Variants in CSMD1 observed in about 807,000 individuals in gnomAD.
The protein encoded by CSMD1 is CUB and Sushi multiple domains 1.
Under a neutral mutation model 417.5 loss-of-function variants are expected in CSMD1, and 213 were observed. The ratio of observed to expected loss-of-function variants is 0.51; its 90% CI spans 0.46 to 0.57. The LOEUF is 0.57. CSMD1 is among the 20% of genes least tolerant of loss of function. CSMD1 has a pLI of 0.00. For missense variants in CSMD1, 6,923 were observed against 4,529.7 expected (o/e 1.53, Z -15.17); for synonymous variants, 2,862 against 1,736.8 (o/e 1.65, Z -16.11).
intron 38 of CSMD1, among the ~76,000 whole-genome samples, chr8:3,161,891 G>C (rs145121694): frequency 2.6e-4 from 40 of 152,270 alleles, no homozygotes; most frequent in African/African-American, 8.7e-4. Context: ...CCCCTAGAAT[G>C]CTCTGTGCAT....
intron 21 of CSMD1, among the ~76,000 whole-genome samples, chr8:3,348,380 C>A (rs1397135070): frequency 6.6e-6 from 1 of 152,080 alleles, no homozygotes; most frequent in Non-Finnish European, 1.5e-5. Context: ...GTCTTATTAA[C>A]AGAATGACCT....
chr8:4,553,444 T>A (rs2130574930), intron 2 of CSMD1, among the ~76,000 whole-genome samples: 1 of 152,174 alleles, frequency 6.6e-6, no homozygotes, highest in Admixed American at 6.5e-5. Flanking sequence ...AAAGAATTTT[T>A]TTTTTTTTTT....
chr8:4,470,465 G>A (rs914038484), intron 2 of CSMD1, among the ~76,000 whole-genome samples: 7 of 152,136 alleles, frequency 4.6e-5, no homozygotes, highest in African/African-American at 1.4e-4. Flanking sequence ...GGTCATGGTC[G>A]GCAGCTCAAT....
chr8:3,179,201 T>C (rs1020970825), intron 37 of CSMD1, among the ~76,000 whole-genome samples: 1 of 151,970 alleles, frequency 6.6e-6, no homozygotes, highest in Admixed American at 6.6e-5. Flanking sequence ...CGCCTTGGCC[T>C]CCCAAAGTGC....
chr8:2,980,446 T>G (rs1368119789), intron 54 of CSMD1, among the ~76,000 whole-genome samples: 1 of 151,940 alleles, frequency 6.6e-6, no homozygotes, highest in Non-Finnish European at 1.5e-5. Context: ...CCTCCTCCTC[T>G]TCTTCCATCC....
At chr8:3,059,461 T>C (rs1812447550) in intron 49 of CSMD1, among the ~76,000 whole-genome samples, 2 of 152,106 alleles carry the variant, frequency 1.3e-5, no homozygotes, top group South Asian at 4.1e-4. Flanking sequence ...ATGTGGGCTG[T>C]TTGTGAGCCG....
chr8:4,728,098 T>G (rs1433151548), intron 1 of CSMD1, among the ~76,000 whole-genome samples: 1 of 146,892 alleles, frequency 6.8e-6, no homozygotes, highest in Non-Finnish European at 1.5e-5. Flanking sequence ...ATATGTACAT[T>G]TGGTATATTT....
rs10086416 is a variant in CSMD1 at position 4,124,276 on chromosome 8, T to A, written c.416-92177A>T. Reference sequence around the variant, plus strand: ...TAACAGTAAGCACTGACTGGCAAATTAATAACATCAATTTAAACAGTTATA... The same window carrying A: ...TAACAGTAAGCACTGACTGGCAAATAAATAACATCAATTTAAACAGTTATA... On this transcript the variant is annotated intron_variant, in intron 3 of 69. Transcript: ENST00000635120. Among the ~76,000 whole-genome samples, 741 of 152,218 alleles carry A rather than the reference T, an allele frequency of 4.9e-3. 7 individuals carry two copies. The highest frequency in any genetic ancestry group is 0.017 in the African/African-American group (705 of 41,534).
intron 51 of CSMD1, among the ~76,000 whole-genome samples, chr8:3,027,640 G>A (rs1296702494): frequency 6.6e-6 from 1 of 152,196 alleles, no homozygotes. Flanking sequence ...GCAGCAGGCA[G>A]CTGACAATTT....
chr8:4,835,609 T>G (rs1486941480), intron 1 of CSMD1, among the ~76,000 whole-genome samples: 2 of 152,202 alleles, frequency 1.3e-5, no homozygotes, highest in African/African-American at 2.4e-5. Context: ...ACATTTTGCA[T>G]ATGCATAACC....
At position 4,916,205 on chromosome 8, in the gene CSMD1, G is replaced by A. The variant is rs571177044; in HGVS notation, c.85+78127C>T. Among the ~76,000 whole-genome samples the A allele has an allele frequency of 1.6e-3, 238 of 152,302 alleles. No individual in the cohort carries two copies. In the Middle Eastern group the frequency reaches 0.024, roughly 15 times the overall value. ...CTCTCCATGGGAGCATTGTGAGGCA[G>A]CTCCGTAGATGACCACAATTATAAA... On this transcript the variant is annotated intron_variant, in intron 1 of 69. Coordinates refer to ENST00000635120, the MANE Select transcript of CSMD1 (RefSeq NM_033225.6).
intron 1 of CSMD1, among the ~76,000 whole-genome samples, chr8:4,759,096 G>T (rs773564671): frequency 6.6e-6 from 1 of 152,220 alleles, no homozygotes; most frequent in Admixed American, 6.5e-5. Flanking sequence ...CTGTTAAAGA[G>T]TGAGGGAAAT....
At chr8:3,899,554 AAAG>A (rs1376322247) in intron 5 of CSMD1, among the ~76,000 whole-genome samples, 4 of 152,194 alleles carry the variant, frequency 2.6e-5, no homozygotes, top group Non-Finnish European at 5.9e-5. Context: ...AGGACATTAA[AAAG>A]AAGGTTGTTG....
At chr8:4,553,532 T>C (rs767179577) in intron 2 of CSMD1, among the ~76,000 whole-genome samples, 1 of 152,142 alleles carries the variant, frequency 6.6e-6, no homozygotes, top group Non-Finnish European at 1.5e-5. Context: ...TGATGTTCTT[T>C]ATGTGATTTT....
intron 5 of CSMD1, among the ~76,000 whole-genome samples, chr8:3,807,572 G>C (rs1164706916): frequency 6.6e-6 from 1 of 152,116 alleles, no homozygotes; most frequent in African/African-American, 2.4e-5. Flanking sequence ...TTTAATAACA[G>C]ACTTACAAAG....
At chr8:3,599,074 C>G (rs1801229256) in intron 8 of CSMD1, among the ~76,000 whole-genome samples, 1 of 151,728 alleles carries the variant, frequency 6.6e-6, no homozygotes, top group African/African-American at 2.4e-5. Flanking sequence ...GAGCAAGACT[C>G]CGTCTCAAAA....
Position 3,586,255 on chromosome 8 carries a change from C to G in CSMD1, c.1103G>C (p.Gly368Ala), listed in dbSNP as rs760950780. Residue 368 changes from glycine to alanine, a missense_variant, in exon 9 of 70, where the codon GGT becomes GCT. Physicochemically the swap from Gly to Ala is moderately conservative, Grantham distance 60. Transcript: ENST00000635120. ...GRRAGSDFRV[G>A]ANVQFSCEDN... ...CTCACATGAAAACTGTACATTTGCA[C>G]CAACCCTAAGCCGTTAAAAAAGAAA... is the stretch of plus-strand genomic sequence containing the variant. 2 of 1,600,236 alleles carry G rather than the reference C, an allele frequency of 1.2e-6. No homozygotes were observed. The highest frequency in any genetic ancestry group is 2.2e-5 in the East Asian group (1 of 44,562).
At chr8:4,221,608 C>T (rs1375458090) in intron 3 of CSMD1, among the ~76,000 whole-genome samples, 2 of 152,112 alleles carry the variant, frequency 1.3e-5, no homozygotes, top group East Asian at 3.9e-4. Flanking sequence ...AAAAAGACCT[C>T]TGAGAATAGT....
chr8:3,986,357 C>G (rs947044744), intron 5 of CSMD1, among the ~76,000 whole-genome samples: 1 of 152,162 alleles, frequency 6.6e-6, no homozygotes, highest in Non-Finnish European at 1.5e-5. Flanking sequence ...TCCCTGAGCA[C>G]TGAGACACCC....
Sources: gnomAD v4.1 joint callset for allele counts (sites outside exome capture counted in the v4.1 genomes callset) on GRCh38, gnomAD v4.1.1 for gene constraint, MANE v1.5 for transcripts, NCBI Gene and HGNC (gene_info 2026-07-23, HGNC 2026-07-21) for gene names.